The following ATF7IP variants were observed in gnomAD, a reference collection of about 807,000 sequenced individuals.
ATF7IP encodes activating transcription factor 7-interacting protein 1.
ATF7IP carries 23 observed loss-of-function variants against 106.4 expected under a neutral mutation model. That is an observed-to-expected ratio of 0.22 (90% CI 0.16 to 0.31). The LOEUF is 0.31. Among genes scored for constraint, ATF7IP ranks in the 10% least tolerant of loss-of-function variants. ATF7IP has a pLI of 1.00. For synonymous variants in ATF7IP, 542 were observed against 539.0 expected, an observed-to-expected ratio of 1.01 and a Z score of -0.08; for missense variants, 1,334 against 1,524.3, an observed-to-expected ratio of 0.88 and a Z score of 2.08.
intron 4 of ATF7IP, among the ~76,000 whole-genome samples, chr12:14,437,922 G>GGGCGCCTGTAGTCCCA (rs1942485244): frequency 6.6e-6 from 1 of 151,386 alleles, no homozygotes; most frequent in African/African-American, 2.4e-5. Context: ...GCGTAGTGGC[G>GGGCGCCTGTAGTCCCA]GGCGCCTGTA....
intron 1 of ATF7IP, among the ~76,000 whole-genome samples, chr12:14,416,644 A>G (rs1941219863): frequency 6.6e-6 from 1 of 152,192 alleles, no homozygotes; most frequent in Non-Finnish European, 1.5e-5. Flanking sequence ...AAACCCTACC[A>G]TGACCTGTTT....
rs1221583091 is a variant in ATF7IP at position 14,501,682 on chromosome 12, G to A, written c.*3609G>A. On this transcript the variant is annotated 3_prime_UTR_variant, in exon 15 of 15. Transcript: ENST00000261168. Reference sequence around the variant, plus strand: ...GAGATACCATTTGCCTCACAGAGAGGTGTTCCCCACTCCCATCCCCATTGC... The same window carrying A: ...GAGATACCATTTGCCTCACAGAGAGATGTTCCCCACTCCCATCCCCATTGC... 1 of 152,126 alleles carries A rather than the reference G, an allele frequency of 6.6e-6. No individual in the cohort carries two copies. Among genetic ancestry groups the A allele is most frequent in the African/African-American group, 2.4e-5 (1 of 41,448 alleles). The allele number at this position is 152,126 out of a possible 1,614,324, so 9.4% of individuals were successfully genotyped here.
chr12:14,389,992 G>A (rs1939458552), intron 1 of ATF7IP, among the ~76,000 whole-genome samples: 2 of 152,172 alleles, frequency 1.3e-5, no homozygotes, highest in South Asian at 4.1e-4. Flanking sequence ...CTTGCCTCTT[G>A]AAAAGCAAAC....
At chr12:14,398,028 T>G (rs1176674162) in intron 1 of ATF7IP, among the ~76,000 whole-genome samples, 1 of 152,138 alleles carries the variant, frequency 6.6e-6, no homozygotes, top group Non-Finnish European at 1.5e-5. Context: ...AAACAATTGT[T>G]ACGTTATTAT....
intron 6 of ATF7IP, among the ~76,000 whole-genome samples, chr12:14,450,618 T>G (rs952605614): frequency 2.0e-5 from 3 of 152,130 alleles, no homozygotes; most frequent in Admixed American, 6.5e-5. Context: ...TTGTCTGTAG[T>G]TTTAGTATCT....
intron 13 of ATF7IP, among the ~76,000 whole-genome samples, chr12:14,494,325 A>ATGTGTGTG (rs1356033054): frequency 1.2e-5 from 1 of 83,456 alleles, no homozygotes; most frequent in African/African-American, 4.8e-5. Context: ...ATATATATAT[A>ATGTGTGTG]TATATATATG....
At chr12:14,371,298 G>A (rs1938523797) in intron 1 of ATF7IP, among the ~76,000 whole-genome samples, 1 of 151,952 alleles carries the variant, frequency 6.6e-6, no homozygotes, top group Non-Finnish European at 1.5e-5. Context: ...AATATTATTG[G>A]CTTTATGAAA....
chr12:14,456,541 GAT>G lies in ATF7IP; in HGVS notation c.1996-19_1996-18del, dbSNP rs1565527765. On this transcript the variant is annotated intron_variant, in intron 6 of 14. Coordinates refer to ENST00000261168, the MANE Select transcript of ATF7IP (RefSeq NM_018179.5). Reference sequence around the variant, plus strand: ...GTGTGTTGAGTTTTATTTTTACCTTGATTTTTTTTTCTCCCCCAGCATCCACC... The same window carrying G: ...GTGTGTTGAGTTTTATTTTTACCTTGTTTTTTTTCTCCCCCAGCATCCACC... 2 of 1,583,550 alleles carry G rather than the reference GAT, an allele frequency of 1.3e-6. No homozygotes were observed. The highest frequency in any genetic ancestry group is 2.2e-5 in the South Asian group (2 of 89,998).
chr12:14,437,863 C>G (rs1942481249), intron 4 of ATF7IP, among the ~76,000 whole-genome samples: 1 of 151,978 alleles, frequency 6.6e-6, no homozygotes, highest in East Asian at 1.9e-4. Flanking sequence ...ACCATCCCGG[C>G]TAAAACGGTG....
chr12:14,408,556 A>G (rs1465304814), intron 1 of ATF7IP: 1 of 152,052 alleles, frequency 6.6e-6, no homozygotes, highest in South Asian at 2.1e-4. Flanking sequence ...TATGTTTTTT[A>G]TTTTAAAGAG....
At chr12:14,481,295 A>G in intron 13 of ATF7IP, 110 bp downstream of exon 13, 1 of 936,030 alleles carries the variant, frequency 1.1e-6, no homozygotes, top group Non-Finnish European at 1.6e-6. Flanking sequence ...TTATAATGTC[A>G]TATTAAAAGT....
chr12:14,385,749 ATTTT>A (rs551867868), intron 1 of ATF7IP, among the ~76,000 whole-genome samples: 1 of 150,118 alleles, frequency 6.7e-6, no homozygotes, highest in African/African-American at 2.4e-5. Context: ...ATCTGAATAG[ATTTT>A]TTTTTTAAAG....
chr12:14,468,470 G>A (rs965280196), intron 10 of ATF7IP, among the ~76,000 whole-genome samples: 2 of 132,972 alleles, frequency 1.5e-5, no homozygotes, highest in African/African-American at 2.9e-5. Flanking sequence ...GTGAGACTCC[G>A]TCTCTATAAA....
At chr12:14,429,521 A>G (rs1942022209) in intron 2 of ATF7IP, among the ~76,000 whole-genome samples, 1 of 152,206 alleles carries the variant, frequency 6.6e-6, no homozygotes, top group Non-Finnish European at 1.5e-5. Context: ...TCAGATTAAA[A>G]TAAAAATCTG....
At chr12:14,453,004 T>C (rs1943267091) in intron 6 of ATF7IP, among the ~76,000 whole-genome samples, 1 of 152,226 alleles carries the variant, frequency 6.6e-6, no homozygotes, top group Non-Finnish European at 1.5e-5. Flanking sequence ...AGGTCTTTGA[T>C]TCAGCCCTTT....
intron 6 of ATF7IP, among the ~76,000 whole-genome samples, chr12:14,453,166 A>G (rs1943275056): frequency 6.6e-6 from 1 of 152,146 alleles, no homozygotes; most frequent in Admixed American, 6.5e-5. Context: ...GCTTGGTTAT[A>G]ATGTATCTCA....
intron 4 of ATF7IP, among the ~76,000 whole-genome samples, chr12:14,436,782 CT>C (rs58703478): frequency 0.48 from 71,502 of 148,052 alleles, 17,105 homozygotes; most frequent in Admixed American, 0.56. Flanking sequence ...TTGGCTACAT[CT>C]TTTTTTTTTT....
intron 1 of ATF7IP, among the ~76,000 whole-genome samples, chr12:14,372,599 T>C (rs1938575589): frequency 6.6e-6 from 1 of 152,140 alleles, no homozygotes; most frequent in African/African-American, 2.4e-5. Flanking sequence ...TATGCACTTA[T>C]TCATGTCTGC....
In ATF7IP at chr12:14,436,155, A is replaced by G. The variant is rs1176799335; in HGVS notation, c.1695A>G (p.Val565=). The stretch of plus-strand genomic sequence containing the variant: ...CTAAATCAGAAGACATGGACAATGT[A>G]CAGTCTAAACGTCGTCGATATATGG... ...KRSKSEDMDN[V]QSKRRRYMEE... Residue 565 remains valine, a synonymous_variant, in exon 4 of 15, where the codon GTA becomes GTG. Coordinates refer to ENST00000261168, the MANE Select transcript of ATF7IP (RefSeq NM_018179.5). 3 of 1,613,744 alleles carry G rather than the reference A, an allele frequency of 1.9e-6. No homozygotes were observed. The highest frequency in any genetic ancestry group is 1.7e-6 in the Non-Finnish European group (2 of 1,179,804).
Sources: allele counts gnomAD v4.1 joint callset (sites outside exome capture counted in the v4.1 genomes callset), GRCh38; gene constraint gnomAD v4.1.1; transcripts MANE v1.5; gene names NCBI Gene and HGNC (gene_info 2026-07-23, HGNC 2026-07-21).